The following PPP3R1 variants were observed in gnomAD, a reference collection of about 807,000 sequenced individuals.
The protein encoded by PPP3R1 is protein phosphatase 3 regulatory subunit B, alpha, also known as calcineurin subunit B type 1.
A neutral mutation model predicts 22.6 loss-of-function variants in PPP3R1; 5 were observed. The ratio of observed to expected loss-of-function variants is 0.22; its 90% CI spans 0.12 to 0.46. The LOEUF (loss-of-function observed/expected upper bound fraction) is 0.46. PPP3R1 is among the 20% of genes least tolerant of loss of function. The pLI, the probability that PPP3R1 is intolerant of heterozygous loss-of-function variation, is 0.99. For synonymous variants in PPP3R1, 56 were observed against 65.2 expected, an observed-to-expected ratio of 0.86 and a Z score of 0.68; for missense variants, 61 against 203.2, an observed-to-expected ratio of 0.30 and a Z score of 4.25.
chr2:68,215,448 G>T (rs1355857407), intron 2 of PPP3R1, among the ~76,000 whole-genome samples: 1 of 152,118 alleles, frequency 6.6e-6, no homozygotes, highest in East Asian at 1.9e-4. Flanking sequence ...GGGCTCCAGA[G>T]CATTGCACAC....
intron 2 of PPP3R1, among the ~76,000 whole-genome samples, chr2:68,197,556 G>A (rs1674812856): frequency 6.6e-6 from 1 of 152,040 alleles, no homozygotes; most frequent in African/African-American, 2.4e-5. Flanking sequence ...CCAAAGTAAT[G>A]TACCATTTTA....
chr2:68,219,594 A>G (rs951672641), intron 1 of PPP3R1, among the ~76,000 whole-genome samples: 5 of 152,196 alleles, frequency 3.3e-5, no homozygotes, highest in African/African-American at 1.2e-4. Flanking sequence ...GTAAATTATT[A>G]TATCAGACTT....
At chr2:68,227,094 T>C (rs1363959561) in intron 1 of PPP3R1, among the ~76,000 whole-genome samples, 1 of 152,076 alleles carries the variant, frequency 6.6e-6, no homozygotes, top group East Asian at 1.9e-4. Context: ...TTCAAAGCTT[T>C]ACAGAATGCA....
At chr2:68,205,639 C>T (rs1158664202) in intron 2 of PPP3R1, among the ~76,000 whole-genome samples, 42 of 152,008 alleles carry the variant, frequency 2.8e-4, no homozygotes, top group Admixed American at 2.8e-3. Flanking sequence ...TTCAAATTTC[C>T]CCAAAGGTCA....
intron 5 of PPP3R1, among the ~76,000 whole-genome samples, chr2:68,185,509 T>TTATA (rs375732081): frequency 1.0e-4 from 15 of 146,222 alleles, no homozygotes; most frequent in African/African-American, 2.5e-4. Flanking sequence ...TACATTTTAT[T>TTATA]TATATATATA....
chr2:68,196,712 TCA>T (rs1674783082), intron 2 of PPP3R1, among the ~76,000 whole-genome samples: 1 of 152,066 alleles, frequency 6.6e-6, no homozygotes, highest in African/African-American at 2.4e-5. Flanking sequence ...AAAAGAAGTA[TCA>T]CATTTTAATA....
intron 1 of PPP3R1, among the ~76,000 whole-genome samples, chr2:68,217,700 T>C (rs1034812569): frequency 1.3e-5 from 2 of 152,128 alleles, no homozygotes; most frequent in African/African-American, 4.8e-5. Flanking sequence ...GAAAACCATT[T>C]CAAATTTTTC....
At chr2:68,237,665 G>A (rs571511192) in intron 1 of PPP3R1, among the ~76,000 whole-genome samples, 4 of 152,200 alleles carry the variant, frequency 2.6e-5, no homozygotes, top group African/African-American at 7.2e-5. Flanking sequence ...TCATAGTAGC[G>A]CTACTGAAGC....
intron 1 of PPP3R1, among the ~76,000 whole-genome samples, chr2:68,239,643 GTACACAAGAAA>G (rs1670082032): frequency 6.6e-6 from 1 of 152,074 alleles, no homozygotes; most frequent in African/African-American, 2.4e-5. Context: ...TGAATCATCA[GTACACAAGAAA>G]TAGATGAAAC....
chr2:68,240,832 G>A (rs1031186471), intron 1 of PPP3R1, among the ~76,000 whole-genome samples: 2 of 152,140 alleles, frequency 1.3e-5, no homozygotes, highest in African/African-American at 2.4e-5. Flanking sequence ...TTATAATGCC[G>A]GAATTTTAAA....
At chr2:68,211,735 C>A (rs909025860) in intron 2 of PPP3R1, among the ~76,000 whole-genome samples, 2 of 152,318 alleles carry the variant, frequency 1.3e-5, no homozygotes, top group Non-Finnish European at 2.9e-5. Context: ...ATTCTAAATT[C>A]TTTGTTGTCA....
At chr2:68,214,463 G>A (rs1335673025) in intron 2 of PPP3R1, among the ~76,000 whole-genome samples, 2 of 152,118 alleles carry the variant, frequency 1.3e-5, no homozygotes, top group African/African-American at 4.8e-5. Flanking sequence ...TAAAAAGTGG[G>A]TAAAGGACAC....
At chr2:68,240,065 G>T (rs1391991386) in intron 1 of PPP3R1, among the ~76,000 whole-genome samples, 1 of 152,210 alleles carries the variant, frequency 6.6e-6, no homozygotes, top group East Asian at 1.9e-4. Context: ...AGACTAAGAT[G>T]TACATTAGGT....
At chr2:68,188,898 A>T (rs1323375744) in intron 2 of PPP3R1, among the ~76,000 whole-genome samples, 1 of 152,216 alleles carries the variant, frequency 6.6e-6, no homozygotes, top group Admixed American at 6.5e-5. Context: ...AGTACAGCAT[A>T]AATACTTGTA....
chr2:68,202,787 A>AG (rs1675008575), intron 2 of PPP3R1, among the ~76,000 whole-genome samples: 1 of 128,014 alleles, frequency 7.8e-6, no homozygotes, highest in Non-Finnish European at 1.6e-5. Context: ...TAGAGAGTTC[A>AG]GGGAATTTTT....
chr2:68,198,324 C>CATGT (rs1674862180), intron 2 of PPP3R1, among the ~76,000 whole-genome samples: 1 of 96,140 alleles, frequency 1.0e-5, no homozygotes, highest in Non-Finnish European at 2.0e-5. Context: ...TATGTATATA[C>CATGT]ATATGTACAT....
At chr2:68,211,154 C>T (rs954918503) in intron 2 of PPP3R1, among the ~76,000 whole-genome samples, 1 of 152,148 alleles carries the variant, frequency 6.6e-6, no homozygotes, top group African/African-American at 2.4e-5. Flanking sequence ...CGCCTGTAAT[C>T]CCAGCACTTT....
chr2:68,251,828 G>A (rs1670365286), intron 1 of PPP3R1, among the ~76,000 whole-genome samples: 1 of 148,754 alleles, frequency 6.7e-6, no homozygotes, highest in South Asian at 2.1e-4. Context: ...CGCGGGGGTC[G>A]ATGCCGGGCG....
intron 1 of PPP3R1, among the ~76,000 whole-genome samples, chr2:68,220,158 T>C (rs1669660069): frequency 2.0e-5 from 3 of 152,204 alleles, no homozygotes; most frequent in African/African-American, 7.2e-5. Flanking sequence ...GGAGAAAGTT[T>C]CCAGGTTGCA....
Sources: allele counts gnomAD v4.1 joint callset (sites outside exome capture counted in the v4.1 genomes callset), GRCh38; gene constraint gnomAD v4.1.1; transcripts MANE v1.5; gene names NCBI Gene and HGNC (gene_info 2026-07-23, HGNC 2026-07-21).